ACTR1B: variants seen among roughly 807,000 people sequenced by gnomAD.
ACTR1B encodes the protein actin related protein 1B.
In ACTR1B, 34 loss-of-function variants were observed where a neutral mutation model predicts 49.4. The observed-to-expected ratio is 0.69, with a 90% CI of 0.52 to 0.92. ACTR1B has a LOEUF of 0.92. Ranked by LOEUF, ACTR1B falls within the 40% of genes least tolerant of loss-of-function variation. The pLI, the probability that ACTR1B is intolerant of heterozygous loss-of-function variation, is 0.00. For synonymous variants in ACTR1B, 207 were observed against 207.8 expected, an observed-to-expected ratio of 1.00 and a Z score of 0.03; for missense variants, 471 against 522.4, an observed-to-expected ratio of 0.90 and a Z score of 0.96.
At position 97,663,998 on chromosome 2, in the gene ACTR1B, C is replaced by A; in HGVS notation, c.-108G>T. The A allele has an allele frequency of 1.6e-6, 1 of 620,690 alleles. No homozygotes were observed. Among genetic ancestry groups the A allele is most frequent in the Non-Finnish European group, 2.3e-6 (1 of 439,550 alleles). The allele number at this position is 620,690 out of a possible 1,614,324, so 38.4% of individuals were successfully genotyped here. A position where few individuals can be genotyped will look rare whatever the true frequency, so the allele number is the denominator to read the frequency against. On this transcript the variant is annotated 5_prime_UTR_variant, in exon 1 of 11. Coordinates refer to ENST00000289228, the MANE Select transcript of ACTR1B (RefSeq NM_005735.4). ...GCGGCTCCCGACGCGGCGCCGCTGC[C>A]CTCCCTCCCCGAGCCTGCAGCCTAC...
At position 97,658,799 on chromosome 2, in the gene ACTR1B, G is replaced by C; in HGVS notation, c.440+80C>G. 1 of 1,605,728 alleles carries C rather than the reference G, an allele frequency of 6.2e-7. No homozygotes were observed. ...GTCATCAAGGGGCTGTTTTTCCAGGGAAGTCAGACCCTGGTCATGGCAAGC... is the reference window on the plus strand; with the variant it reads ...GTCATCAAGGGGCTGTTTTTCCAGGCAAGTCAGACCCTGGTCATGGCAAGC... On this transcript the variant is annotated intron_variant, in intron 5 of 10. Coordinates refer to ENST00000289228, the MANE Select transcript of ACTR1B (RefSeq NM_005735.4). This position sits in a 1 kb window ranked among gnomAD's most constrained non-coding sequence, Gnocchi z 5.9.
chr2:97,662,754 G>A (rs985939118), intron 1 of ACTR1B, among the ~76,000 whole-genome samples: 2 of 152,344 alleles, frequency 1.3e-5, no homozygotes, highest in South Asian at 2.1e-4. Context: ...CCAAGGGGCC[G>A]AGCGGTAGCC....
intron 3 of ACTR1B, chr2:97,660,015 C>T (rs908431752): frequency 2.7e-5 from 5 of 185,022 alleles, no homozygotes; most frequent in African/African-American, 1.2e-4. Flanking sequence ...CTCTCACCAC[C>T]TCGGCTCCTA....
intron 2 of ACTR1B, 32 bp from the exon 3 acceptor site, chr2:97,660,678 C>A (rs765589704): frequency 7.0e-5 from 113 of 1,603,546 alleles, no homozygotes; most frequent in Non-Finnish European, 9.7e-5. Context: ...GCAAGGTGGG[C>A]AGGGAGCATG....
chr2:97,659,227 C>G lies in ACTR1B; in HGVS notation c.315+125G>C. ...GGGTACGTATGCGCACCCAGACACACACGGAAAGGCAGCAGGCCCTCTAGA... is the reference window on the plus strand; with the variant it reads ...GGGTACGTATGCGCACCCAGACACAGACGGAAAGGCAGCAGGCCCTCTAGA... On this transcript the variant is annotated intron_variant, in intron 4 of 10. Transcript: ENST00000289228. This position sits in a 1 kb window ranked among gnomAD's most constrained non-coding sequence, Gnocchi z 4.0. 1 of 1,494,684 alleles carries G rather than the reference C, an allele frequency of 6.7e-7. No homozygotes were observed. Among genetic ancestry groups the G allele is most frequent in the Non-Finnish European group, 9.1e-7 (1 of 1,100,076 alleles). 92.6% of individuals were successfully genotyped at this position (1,494,684 alleles called of 1,614,324 possible).
chr2:97,659,139 T>C lies in ACTR1B; in HGVS notation c.316-136A>G. On this transcript the variant is annotated intron_variant, in intron 4 of 10. Coordinates refer to ENST00000289228, the MANE Select transcript of ACTR1B (RefSeq NM_005735.4). This position sits in a 1 kb window ranked among gnomAD's most constrained non-coding sequence, Gnocchi z 4.0. ...CCCTCCTGAGGGCCCCATCCCTTTATCTGCTGGCAGTTACTCTTCCGGAGA... is the reference window on the plus strand; with the variant it reads ...CCCTCCTGAGGGCCCCATCCCTTTACCTGCTGGCAGTTACTCTTCCGGAGA... The C allele has an allele frequency of 6.8e-7, 1 of 1,476,310 alleles. No individual in the cohort carries two copies. Among genetic ancestry groups the C allele is most frequent in the Non-Finnish European group, 9.3e-7 (1 of 1,081,072 alleles). The allele number at this position is 1,476,310 out of a possible 1,614,324, so 91.5% of individuals were successfully genotyped here. A position where few individuals can be genotyped will look rare whatever the true frequency, so the allele number is the denominator to read the frequency against.
Position 97,660,638 on chromosome 2 carries a change from C to A in ACTR1B, c.122G>T (p.Arg41Leu), listed in dbSNP as rs759788778. The A allele has an allele frequency of 6.2e-7, 1 of 1,614,042 alleles. No homozygotes were observed. Among genetic ancestry groups the A allele is most frequent in the Non-Finnish European group, 8.5e-7 (1 of 1,179,982 alleles). ...AGCCATCACCCGCATGTGCTTCGGCCGCCCGACACTGTTAGGACGGATAAC... is the reference window on the plus strand; with the variant it reads ...AGCCATCACCCGCATGTGCTTCGGCAGCCCGACACTGTTAGGACGGATAAC... ...PKYCFPNYVG[R>L]PKHMRVMAGA... is the part of the protein sequence containing the mutation. The change falls in exon 3 of 11, where the codon CGG becomes CTG. Residue 41 changes from arginine to leucine, a missense_variant. Arg to Leu is a moderately radical substitution (Grantham distance 102, BLOSUM62 -2). Coordinates refer to ENST00000289228, the MANE Select transcript of ACTR1B (RefSeq NM_005735.4).
intron 2 of ACTR1B, 151 bp downstream of exon 2, chr2:97,661,731 A>G: frequency 1.4e-6 from 1 of 710,784 alleles, no homozygotes; most frequent in South Asian, 1.9e-5. Flanking sequence ...TTGTTCTTTC[A>G]GTGCTCTCTC....
At chr2:97,660,887 G>A (rs543980691) in intron 2 of ACTR1B, among the ~76,000 whole-genome samples, 5 of 152,274 alleles carry the variant, frequency 3.3e-5, no homozygotes, top group Admixed American at 2.0e-4. Flanking sequence ...ATGTCTGAGC[G>A]CCAGAACCCA....
chr2:97,657,374 C>T, intron 9 of ACTR1B, 74 bp downstream of exon 9: 3 of 1,546,416 alleles, frequency 1.9e-6, no homozygotes, highest in Non-Finnish European at 2.7e-6. Flanking sequence ...GGTCTGGGGG[C>T]AGCATTCAAC....
chr2:97,662,705 A>C (rs1675052845), intron 1 of ACTR1B, among the ~76,000 whole-genome samples: 1 of 152,210 alleles, frequency 6.6e-6, no homozygotes, highest in Non-Finnish European at 1.5e-5. Flanking sequence ...CTGCAGCAGA[A>C]ACAAACATCT....
Position 97,659,710 on chromosome 2 carries a change from C to T in ACTR1B, c.190-233G>A. On this transcript the variant is annotated intron_variant, in intron 3 of 10. Transcript: ENST00000289228. The surrounding 1 kb of genome is among the most constrained non-coding windows in gnomAD (Gnocchi z 4.0). Reference sequence around the variant, plus strand: ...CCCAGCTAGCTTCAGCTGGGGGGATCAGAGAGGGTGGCAGTGTGCCCCGCA... The same window carrying T: ...CCCAGCTAGCTTCAGCTGGGGGGATTAGAGAGGGTGGCAGTGTGCCCCGCA... 1.7e-6 allele frequency: 1 copy of T among 593,526 alleles called. No individual in the cohort carries two copies. The highest frequency in any genetic ancestry group is 2.0e-5 in the South Asian group (1 of 48,796). 36.8% of individuals were successfully genotyped at this position (593,526 alleles called of 1,614,324 possible). A position where few individuals can be genotyped will look rare whatever the true frequency, so the allele number is the denominator to read the frequency against.
At chr2:97,661,170 A>G (rs905625910) in intron 2 of ACTR1B, among the ~76,000 whole-genome samples, 1 of 152,226 alleles carries the variant, frequency 6.6e-6, no homozygotes, top group African/African-American at 2.4e-5. Flanking sequence ...ACCTCTAATT[A>G]TACCCATGCA....
At chr2:97,662,419 T>C (rs1430146246) in intron 1 of ACTR1B, among the ~76,000 whole-genome samples, 4 of 151,410 alleles carry the variant, frequency 2.6e-5, no homozygotes, top group South Asian at 4.2e-4. Flanking sequence ...TTTTTTTTTT[T>C]CAACAGCTTC....
At chr2:97,662,990 C>T (rs1675062673) in intron 1 of ACTR1B, among the ~76,000 whole-genome samples, 1 of 152,154 alleles carries the variant, frequency 6.6e-6, no homozygotes, top group Non-Finnish European at 1.5e-5. Context: ...GGAGACAGAT[C>T]CCAGAAAGAG....
intron 1 of ACTR1B, among the ~76,000 whole-genome samples, chr2:97,663,316 G>A (rs2104510421): frequency 6.6e-6 from 1 of 152,350 alleles, no homozygotes; most frequent in African/African-American, 2.4e-5. Context: ...AAGCATTTAA[G>A]GAGAAAGTCA....
At position 97,659,415 on chromosome 2, in the gene ACTR1B, G is replaced by A. The variant is rs761877941; in HGVS notation, c.252C>T (p.Asn84=). The A allele has an allele frequency of 7.7e-5, 125 of 1,613,950 alleles. No homozygotes were observed. The highest frequency in any genetic ancestry group is 9.3e-5 in the Non-Finnish European group (110 of 1,180,006). The change falls in exon 4 of 11, where the codon AAC becomes AAT. Residue 84 remains asparagine, a synonymous_variant. Transcript: ENST00000289228. This position sits in a 1 kb window ranked among gnomAD's most constrained non-coding sequence, Gnocchi z 4.0. ...PMEHGVVRDW[N]DMERIWQYVY... ...CGTACTGCCAGATGCGTTCCATGTC[G>A]TTCCAGTCTCGCACCACGCCGTGCT...
chr2:97,660,237 A>T (rs770925647), intron 3 of ACTR1B, among the ~76,000 whole-genome samples: 4 of 152,210 alleles, frequency 2.6e-5, no homozygotes, highest in Non-Finnish European at 4.4e-5. Flanking sequence ...CCTTGGTGGG[A>T]CACTCCGGCT....
At chr2:97,663,795 G>C in intron 1 of ACTR1B, 48 bp downstream of exon 1, 1 of 1,278,794 alleles carries the variant, frequency 7.8e-7, no homozygotes, top group Non-Finnish European at 1.0e-6. Context: ...CGCCGCGTGC[G>C]CCCCCGGGGG....
Sources: allele counts gnomAD v4.1 joint callset (sites outside exome capture counted in the v4.1 genomes callset), GRCh38; gene constraint gnomAD v4.1.1; non-coding constraint Gnocchi (gnomAD v3.1); transcripts MANE v1.5; gene names NCBI Gene and HGNC (gene_info 2026-07-23, HGNC 2026-07-21).